The following TPTE variants were observed in gnomAD, a reference collection of about 807,000 sequenced individuals.
The protein encoded by TPTE is putative tyrosine-protein phosphatase TPTE.
Under a neutral mutation model 84.1 loss-of-function variants are expected in TPTE, and 59 were observed. The observed-to-expected ratio is 0.70, with a 90% CI of 0.57 to 0.87. The LOEUF (loss-of-function observed/expected upper bound fraction) is 0.87. Ranked by LOEUF, TPTE falls within the 40% of genes least tolerant of loss-of-function variation. The pLI, the probability that TPTE is intolerant of heterozygous loss-of-function variation, is 0.00. For missense variants in TPTE, 382 were observed against 659.6 expected (o/e 0.58, Z 4.61); for synonymous variants, 130 against 223.5 (o/e 0.58, Z 3.73).
intron 4 of TPTE, among the ~76,000 whole-genome samples, chr21:10,539,067 T>C (rs2074320009): frequency 6.6e-6 from 1 of 152,308 alleles, no homozygotes; most frequent in East Asian, 1.9e-4. Context: ...GAGCAGGTCA[T>C]AAGAGAGCTG....
intron 7 of TPTE, among the ~76,000 whole-genome samples, chr21:10,547,726 C>G (rs2074494840): frequency 6.6e-6 from 1 of 152,422 alleles, no homozygotes; most frequent in East Asian, 1.9e-4. Context: ...GTACACCAAG[C>G]CCACATGGGT....
chr21:10,529,420 A>G (rs1191390873), intron 3 of TPTE, among the ~76,000 whole-genome samples: 3 of 152,310 alleles, frequency 2.0e-5, no homozygotes, highest in Non-Finnish European at 4.4e-5. Context: ...TATTTTTGAA[A>G]TGTGAGAGGG....
intron 2 of TPTE, among the ~76,000 whole-genome samples, chr21:10,525,734 A>G (rs372928553): frequency 2.9e-3 from 446 of 152,238 alleles, no homozygotes; most frequent in Non-Finnish European, 4.7e-3. Flanking sequence ...TTAGGGGGCA[A>G]TTTAGCTAGT....
chr21:10,566,250 G>C (rs1234657294), intron 10 of TPTE, among the ~76,000 whole-genome samples: 1 of 152,426 alleles, frequency 6.6e-6, no homozygotes, highest in East Asian at 1.9e-4. Context: ...CATATCAAGA[G>C]ATGCTTGACA....
intron 10 of TPTE, among the ~76,000 whole-genome samples, chr21:10,565,085 A>G (rs1259180229): frequency 1.3e-5 from 2 of 152,310 alleles, no homozygotes; most frequent in Admixed American, 1.3e-4. Flanking sequence ...GTGTTTGCAG[A>G]TGATACATTT....
rs1321122276 is a variant in TPTE, at chr21:10,563,755, A to G, written c.446+2564A>G. Among the ~76,000 whole-genome samples, 3 of 152,428 alleles carry G rather than the reference A, an allele frequency of 2.0e-5. No individual in the cohort carries two copies. In the East Asian group the frequency reaches 5.8e-4, roughly 29 times the overall value. On this transcript the variant is annotated intron_variant, in intron 10 of 23. Coordinates refer to ENST00000618007, the MANE Select transcript of TPTE (RefSeq NM_199261.4). ...AAGAGAAGACCCCAAAACAACCAGA[A>G]AACAGATAACAAAATGGCAGGAGTA... is the stretch of plus-strand genomic sequence containing the variant.
At chr21:10,531,790 T>C (rs1465401347) in intron 3 of TPTE, among the ~76,000 whole-genome samples, 1 of 152,310 alleles carries the variant, frequency 6.6e-6, no homozygotes, top group Non-Finnish European at 1.5e-5. Flanking sequence ...CTAATCCTCA[T>C]AGTTTTAATT....
chr21:10,541,406 G>C (rs1227695791), intron 5 of TPTE, among the ~76,000 whole-genome samples: 1 of 152,298 alleles, frequency 6.6e-6, no homozygotes, highest in Non-Finnish European at 1.5e-5. Context: ...TGGGGAAGTG[G>C]AGTTTGCAGT....
In TPTE at chr21:10,603,563, A is replaced by T. The variant is rs1408933974; in HGVS notation, c.1451A>T (p.Asn484Ile). 4 of 1,610,018 alleles carry T rather than the reference A, an allele frequency of 2.5e-6. No homozygotes were observed. In the East Asian group the frequency reaches 8.9e-5, roughly 36 times the overall value. The change falls in exon 23 of 24, where the codon AAT (asparagine) becomes ATT (isoleucine). Residue 484 changes from asparagine to isoleucine, a missense_variant and splice_region_variant. Around this residue, in one of 10 missense-constraint regions of TPTE, gnomAD observed 120 missense variants for 79.1 expected, o/e 1.52. Coordinates refer to ENST00000618007, the MANE Select transcript of TPTE (RefSeq NM_199261.4). Reference protein sequence around the residue: ...DDVKVQFFYSNLPTYYDNCSF... With the variant: ...DDVKVQFFYSILPTYYDNCSF... ...TTTGAAATTTTTTTTTCTTTTTAGAATCTTCCTACATACTATGACAATTGC... is the reference window on the plus strand; with the variant it reads ...TTTGAAATTTTTTTTTCTTTTTAGATTCTTCCTACATACTATGACAATTGC...
At chr21:10,537,725 A>C (rs117670948) in intron 3 of TPTE, among the ~76,000 whole-genome samples, 636 of 152,092 alleles carry the variant, frequency 4.2e-3, no homozygotes, top group Non-Finnish European at 5.5e-3. Flanking sequence ...CAATATAGAT[A>C]TAAGGATATA....
intron 10 of TPTE, among the ~76,000 whole-genome samples, chr21:10,562,919 A>G (rs2074837954): frequency 1.3e-5 from 2 of 152,310 alleles, no homozygotes. Flanking sequence ...TAAAACACCA[A>G]GCAGATGTAA....
In TPTE at chr21:10,605,709, A is replaced by G. The variant is rs1227414204; in HGVS notation, c.*157A>G. The G allele has an allele frequency of 3.0e-6, 4 of 1,320,422 alleles. No homozygotes were observed. Among genetic ancestry groups the G allele is most frequent in the Non-Finnish European group, 4.0e-6 (4 of 999,452 alleles). The allele number at this position is 1,320,422 out of a possible 1,614,324, so 81.8% of individuals were successfully genotyped here. The stretch of plus-strand genomic sequence containing the variant: ...CTTCATAAATCTATTACATATATAT[A>G]GATAAAATGTCAGTGTCTTTCTTCT... On this transcript the variant is annotated 3_prime_UTR_variant, in exon 24 of 24. Transcript: ENST00000618007.
chr21:10,523,930 CCT>C (rs1416525042), intron 1 of TPTE, among the ~76,000 whole-genome samples: 1 of 152,304 alleles, frequency 6.6e-6, no homozygotes, highest in Non-Finnish European at 1.5e-5. Context: ...TAAAAGTGTT[CCT>C]ATTTCTCCAC....
At chr21:10,581,818 A>C (rs1199105835) in intron 17 of TPTE, among the ~76,000 whole-genome samples, 1 of 152,304 alleles carries the variant, frequency 6.6e-6, no homozygotes, top group Non-Finnish European at 1.5e-5. Flanking sequence ...TTGCAGCCTG[A>C]ACCTCCCGGG....
intron 14 of TPTE, among the ~76,000 whole-genome samples, chr21:10,575,852 T>C (rs1414489586): frequency 1.3e-5 from 2 of 151,566 alleles, no homozygotes; most frequent in Admixed American, 6.6e-5. Flanking sequence ...ACATCACTGA[T>C]CATTAAAGAA....
chr21:10,533,344 G>A (rs1285229406), intron 3 of TPTE, among the ~76,000 whole-genome samples: 29 of 152,390 alleles, frequency 1.9e-4, no homozygotes, highest in African/African-American at 6.7e-4. Context: ...ATCTTCCTTT[G>A]TGTCCTCTTA....
rs546832781 is a variant in TPTE, at chr21:10,543,070, C to T, written c.120-259C>T. 7.8e-5 allele frequency among the ~76,000 whole-genome samples: 10 copies of T among 128,006 alleles called. No homozygotes were observed. In the South Asian group the frequency reaches 1.2e-3, roughly 15 times the overall value. The allele number at this position is 128,006 out of a possible 152,430, so 84.0% of individuals were successfully genotyped here. A position where few individuals can be genotyped will look rare whatever the true frequency, so the allele number is the denominator to read the frequency against. ...CGGAGTCTCGCTCTGTCGCCCAGGCCGGACTGCGGACTGCAGTGGCGCAAT... is the reference window on the plus strand; with the variant it reads ...CGGAGTCTCGCTCTGTCGCCCAGGCTGGACTGCGGACTGCAGTGGCGCAAT... On this transcript the variant is annotated intron_variant, in intron 6 of 23. Transcript: ENST00000618007.
At chr21:10,565,863 G>A (rs2074910145) in intron 10 of TPTE, among the ~76,000 whole-genome samples, 1 of 152,302 alleles carries the variant, frequency 6.6e-6, no homozygotes, top group Non-Finnish European at 1.5e-5. Context: ...AAATCAACAT[G>A]AATTAAAGAC....
chr21:10,529,403 T>G (rs2074137987), intron 3 of TPTE, among the ~76,000 whole-genome samples: 1 of 152,312 alleles, frequency 6.6e-6, no homozygotes, highest in Non-Finnish European at 1.5e-5. Context: ...TAACAGCTAC[T>G]TTTAGATATT....
Sources: allele counts gnomAD v4.1 joint callset (sites outside exome capture counted in the v4.1 genomes callset), GRCh38; gene constraint gnomAD v4.1.1; regional missense constraint gnomAD v4.1.1; transcripts MANE v1.5; gene names NCBI Gene and HGNC (gene_info 2026-07-23, HGNC 2026-07-21).